Variants in SEMA5A observed in about 807,000 individuals in gnomAD.
SEMA5A encodes semaphorin-5A.
SEMA5A carries 55 observed loss-of-function variants against 135.5 expected under a neutral mutation model. The ratio of observed to expected loss-of-function variants is 0.41; its 90% CI spans 0.33 to 0.51. The LOEUF is 0.51. SEMA5A is among the 20% of genes least tolerant of loss of function. The pLI, the probability that SEMA5A is intolerant of heterozygous loss-of-function variation, is 0.37. For synonymous variants in SEMA5A, 580 were observed against 546.5 expected (o/e 1.06, Z -0.85); for missense variants, 1,290 against 1,419.9 (o/e 0.91, Z 1.47).
At chr5:9,221,459 C>A (rs374804553) in intron 8 of SEMA5A, among the ~76,000 whole-genome samples, 2 of 151,812 alleles carry the variant, frequency 1.3e-5, no homozygotes, top group South Asian at 2.1e-4. Context: ...CCCACCACCA[C>A]GCCCGGCTAA....
chr5:9,123,201 G>C (rs1192930035), intron 13 of SEMA5A, among the ~76,000 whole-genome samples: 1 of 138,534 alleles, frequency 7.2e-6, no homozygotes, highest in Non-Finnish European at 1.5e-5. Flanking sequence ...GGAGCTTGCA[G>C]TGAGCCGAGA....
Position 9,041,575 on chromosome 5 carries a change from C to A in SEMA5A, c.*1322G>T, listed in dbSNP as rs749032235. ...AAGAGACCACAGGGATCCCAAAAAC[C>A]CTTACTTCCAGCTATCCTGACTTCC... On this transcript the variant is annotated 3_prime_UTR_variant, in exon 23 of 23. Transcript: ENST00000382496. 1.3e-5 allele frequency: 2 copies of A among 152,212 alleles called. No homozygotes were observed. The highest frequency in any genetic ancestry group is 2.9e-5 in the Non-Finnish European group (2 of 68,060). The allele number at this position is 152,212 out of a possible 1,614,324, so 9.4% of individuals were successfully genotyped here. A position where few individuals can be genotyped will look rare whatever the true frequency, so the allele number is the denominator to read the frequency against.
At chr5:9,471,207 C>A (rs16882862) in intron 1 of SEMA5A, among the ~76,000 whole-genome samples, 2 of 151,710 alleles carry the variant, frequency 1.3e-5, no homozygotes, top group African/African-American at 2.4e-5. Context: ...TCTACAAGAA[C>A]GGTAATATGA....
At chr5:9,534,651 C>T (rs1018814243) in intron 1 of SEMA5A, among the ~76,000 whole-genome samples, 7 of 151,924 alleles carry the variant, frequency 4.6e-5, no homozygotes, top group South Asian at 2.1e-4. Flanking sequence ...GAATTCAAGG[C>T]GAGTCCATAA....
At chr5:9,295,227 T>C (rs895964839) in intron 5 of SEMA5A, among the ~76,000 whole-genome samples, 8 of 152,168 alleles carry the variant, frequency 5.3e-5, no homozygotes, top group Admixed American at 2.0e-4. Flanking sequence ...GGATTTCCAT[T>C]ATTAAAAGTC....
At chr5:9,369,105 T>A (rs937396288) in intron 3 of SEMA5A, among the ~76,000 whole-genome samples, 1 of 152,246 alleles carries the variant, frequency 6.6e-6, no homozygotes, top group African/African-American at 2.4e-5. Flanking sequence ...CTGCAGTGTG[T>A]GTGGAGGTAT....
chr5:9,147,055 T>C (rs943394710), intron 12 of SEMA5A, among the ~76,000 whole-genome samples: 2 of 152,218 alleles, frequency 1.3e-5, no homozygotes, highest in Admixed American at 6.5e-5. Context: ...CTTTTTCCAT[T>C]GGCAGATGCT....
At chr5:9,461,577 T>TA (rs1377426941) in intron 1 of SEMA5A, among the ~76,000 whole-genome samples, 2 of 152,206 alleles carry the variant, frequency 1.3e-5, no homozygotes, top group Non-Finnish European at 2.9e-5. Flanking sequence ...TCTGATTTTT[T>TA]ACAGTAGAAT....
At chr5:9,269,352 T>C (rs1295178299) in intron 5 of SEMA5A, among the ~76,000 whole-genome samples, 1 of 152,160 alleles carries the variant, frequency 6.6e-6, no homozygotes, top group Non-Finnish European at 1.5e-5. Flanking sequence ...CCTATTGTGT[T>C]GGAGCTGTGA....
At chr5:9,133,792 T>C (rs1241454309) in intron 13 of SEMA5A, among the ~76,000 whole-genome samples, 1 of 151,502 alleles carries the variant, frequency 6.6e-6, no homozygotes, top group Non-Finnish European at 1.5e-5. Flanking sequence ...TTCTTTTTTT[T>C]TTTTTTGAGA....
At chr5:9,399,484 G>C (rs1465197219) in intron 2 of SEMA5A, among the ~76,000 whole-genome samples, 1 of 152,162 alleles carries the variant, frequency 6.6e-6, no homozygotes, top group Non-Finnish European at 1.5e-5. Context: ...GAGAGTTTCT[G>C]CTAATGGATA....
chr5:9,386,906 C>T (rs879122065), intron 2 of SEMA5A, among the ~76,000 whole-genome samples: 3 of 152,138 alleles, frequency 2.0e-5, no homozygotes, highest in Non-Finnish European at 4.4e-5. Context: ...CTGAGTGAGC[C>T]CATTGTGAGG....
intron 5 of SEMA5A, among the ~76,000 whole-genome samples, chr5:9,263,849 A>G (rs74707962): frequency 0.01 from 1,525 of 152,280 alleles, 19 homozygotes; most frequent in African/African-American, 0.031. Flanking sequence ...GTATTTCTCA[A>G]TGTGCACTGC....
chr5:9,217,878 T>C (rs1746721362), intron 8 of SEMA5A, among the ~76,000 whole-genome samples: 1 of 152,218 alleles, frequency 6.6e-6, no homozygotes, highest in Non-Finnish European at 1.5e-5. Context: ...ATTCCTTCCT[T>C]CAGCTTCTGT....
chr5:9,208,412 A>T (rs1214992097), intron 8 of SEMA5A, among the ~76,000 whole-genome samples: 2 of 152,204 alleles, frequency 1.3e-5, no homozygotes, highest in African/African-American at 4.8e-5. Context: ...GGTGCTCCTT[A>T]GTAAACTGAT....
chr5:9,057,888 A>G (rs760183885), intron 18 of SEMA5A, among the ~76,000 whole-genome samples: 8 of 152,198 alleles, frequency 5.3e-5, no homozygotes, highest in Non-Finnish European at 8.8e-5. Flanking sequence ...ATGGAGCCAT[A>G]ATGTAGGATA....
chr5:9,083,151 C>G (rs1579359641), intron 16 of SEMA5A, among the ~76,000 whole-genome samples: 1 of 152,278 alleles, frequency 6.6e-6, no homozygotes, highest in East Asian at 1.9e-4. Flanking sequence ...GTCCCTGTGA[C>G]ATTTCATTTC....
chr5:9,237,470 C>A (rs977970560), intron 6 of SEMA5A, among the ~76,000 whole-genome samples: 1 of 152,108 alleles, frequency 6.6e-6, no homozygotes, highest in African/African-American at 2.4e-5. Flanking sequence ...CATATCATTA[C>A]TTTCTAGATT....
chr5:9,399,097 C>T (rs1756533711), intron 2 of SEMA5A, among the ~76,000 whole-genome samples: 2 of 152,178 alleles, frequency 1.3e-5, no homozygotes, highest in Admixed American at 6.5e-5. Context: ...ACTCCTATGT[C>T]TATATCTAAG....
Sources: allele counts gnomAD v4.1 joint callset (sites outside exome capture counted in the v4.1 genomes callset), GRCh38; gene constraint gnomAD v4.1.1; transcripts MANE v1.5; gene names NCBI Gene and HGNC (gene_info 2026-07-23, HGNC 2026-07-21).